RNF125: variants seen among roughly 807,000 people sequenced by gnomAD.
The protein encoded by RNF125 is E3 ubiquitin-protein ligase RNF125.
Under a neutral mutation model 26.0 loss-of-function variants are expected in RNF125, and 21 were observed. That is an observed-to-expected ratio of 0.81 (90% CI 0.57 to 1.16). The LOEUF (loss-of-function observed/expected upper bound fraction) is 1.16. Ranked by LOEUF, RNF125 falls within the 50% of genes most tolerant of loss-of-function variation. The pLI, the probability that RNF125 is intolerant of heterozygous loss-of-function variation, is 0.00. For missense variants in RNF125, 270 were observed against 299.4 expected, an observed-to-expected ratio of 0.90 and a Z score of 0.72; for synonymous variants, 95 against 109.2, an observed-to-expected ratio of 0.87 and a Z score of 0.81.
intron 4 of RNF125, among the ~76,000 whole-genome samples, chr18:32,060,468 G>A (rs909461353): frequency 2.0e-5 from 3 of 152,100 alleles, no homozygotes; most frequent in Non-Finnish European, 2.9e-5. Flanking sequence ...GCTATTATTT[G>A]CCCATTGCAT....
intron 1 of RNF125, among the ~76,000 whole-genome samples, chr18:32,031,702 C>T (rs993598272): frequency 2.6e-5 from 4 of 152,044 alleles, no homozygotes; most frequent in Admixed American, 2.6e-4. Context: ...GACTCAGAGA[C>T]ATCCAAGGTC....
chr18:32,060,105 GA>G (rs2039421042), intron 4 of RNF125, among the ~76,000 whole-genome samples: 1 of 152,174 alleles, frequency 6.6e-6, no homozygotes, highest in Non-Finnish European at 1.5e-5. Context: ...TGAAAAGAAA[GA>G]ACAATAAATG....
At chr18:32,060,395 G>C (rs2039423729) in intron 4 of RNF125, among the ~76,000 whole-genome samples, 2 of 152,170 alleles carry the variant, frequency 1.3e-5, no homozygotes, top group Non-Finnish European at 2.9e-5. Context: ...TCTAGTAAGT[G>C]GGAGGCTAAT....
chr18:32,052,362 G>A (rs1268432291), intron 4 of RNF125, among the ~76,000 whole-genome samples: 1 of 151,634 alleles, frequency 6.6e-6, no homozygotes, highest in East Asian at 2.0e-4. Context: ...GCACGGTGGC[G>A]CGCGTCTGTA....
At chr18:32,062,726 A>G (rs2039446009) in intron 4 of RNF125, among the ~76,000 whole-genome samples, 1 of 152,212 alleles carries the variant, frequency 6.6e-6, no homozygotes, top group Non-Finnish European at 1.5e-5. Context: ...GATCAGCGAC[A>G]TTGATTCCAG....
downstream of RNF125, among the ~76,000 whole-genome samples, chr18:32,074,163 C>A (rs1455417846): frequency 6.6e-6 from 1 of 152,200 alleles, no homozygotes; most frequent in Non-Finnish European, 1.5e-5. Flanking sequence ...AGCTGTTCTC[C>A]AGCTTCAGAA....
At chr18:32,026,028 C>G (rs900778509) in intron 1 of RNF125, among the ~76,000 whole-genome samples, 1 of 150,768 alleles carries the variant, frequency 6.6e-6, no homozygotes, top group Non-Finnish European at 1.5e-5. Flanking sequence ...ATTAATTAAG[C>G]TGGCTTTTGA....
Position 32,042,268 on chromosome 18 carries a change from A to G in RNF125, c.408A>G (p.Ala136=). The G allele has an allele frequency of 1.2e-6, 2 of 1,605,590 alleles. No individual in the cohort carries two copies. The highest frequency in any genetic ancestry group is 8.5e-7 in the Non-Finnish European group (1 of 1,172,910). ...YGPLQELEET[A]ARCVCPFCQR... is the part of the protein sequence containing the mutation. ...CACTACAAGAACTTGAGGAGACAGC[A>G]GCAAGGTTTGTTTCAATACAATATA... is the stretch of plus-strand genomic sequence containing the variant. Residue 136 remains alanine (A), a synonymous_variant, in exon 3 of 6, where the codon GCA becomes GCG. Coordinates refer to ENST00000217740, the MANE Select transcript of RNF125 (RefSeq NM_017831.4).
chr18:32,038,938 G>A (rs2039188934), intron 2 of RNF125, among the ~76,000 whole-genome samples: 1 of 151,494 alleles, frequency 6.6e-6, no homozygotes, highest in South Asian at 2.1e-4. Flanking sequence ...TCTAACTTTT[G>A]TATTTTCAGT....
At chr18:32,085,842 AAG>A in the RNF125 span, among the ~76,000 whole-genome samples, 1 of 145,866 alleles carries the variant, frequency 6.9e-6, no homozygotes, top group African/African-American at 2.8e-5. Context: ...AACAGTTTAT[AAG>A]AGTCAGCTCC....
chr18:32,076,499 A>G (rs761048833), downstream of RNF125, among the ~76,000 whole-genome samples: 18 of 152,176 alleles, frequency 1.2e-4, no homozygotes, highest in Non-Finnish European at 1.8e-4. Flanking sequence ...AAATTTTTGT[A>G]GAAATGGAGG....
chr18:32,061,703 C>A (rs1045226031), intron 4 of RNF125, among the ~76,000 whole-genome samples: 2 of 152,170 alleles, frequency 1.3e-5, no homozygotes, highest in Non-Finnish European at 2.9e-5. Context: ...GGAGCCTTTC[C>A]GAACCCTTGG....
intron 2 of RNF125, among the ~76,000 whole-genome samples, chr18:32,037,836 C>T (rs762678995): frequency 2.0e-5 from 3 of 152,108 alleles, no homozygotes; most frequent in Admixed American, 6.6e-5. Flanking sequence ...CAGCAGGATT[C>T]TGAAAGTAGC....
intron 5 of RNF125, among the ~76,000 whole-genome samples, chr18:32,066,956 A>C (rs2039490422): frequency 6.6e-6 from 1 of 152,178 alleles, no homozygotes. Context: ...CTGGTAATAC[A>C]AAGAGGTTTC....
intron 3 of RNF125, among the ~76,000 whole-genome samples, chr18:32,042,754 G>C (rs1051111089): frequency 6.7e-6 from 1 of 149,778 alleles, no homozygotes. Flanking sequence ...TGAATCCTTT[G>C]CCTTTTTGAT....
chr18:32,066,087 A>C, intron 5 of RNF125, 78 bp downstream of exon 5: 1 of 904,388 alleles, frequency 1.1e-6, no homozygotes, highest in Non-Finnish European at 1.8e-6. Context: ...AAGTGAATAA[A>C]ATTATAGAGG....
intron 4 of RNF125, among the ~76,000 whole-genome samples, chr18:32,054,086 C>CTTTTTTTTTTTTTTTTTTTTTTTTTT (rs35616121): frequency 1.1e-5 from 1 of 88,360 alleles, no homozygotes; most frequent in Admixed American, 1.4e-4. Context: ...GACATTTGTA[C>CTTTTTTTTTTTTTTTTTTTTTTTTTT]TTTTTTTTTT....
At chr18:32,045,398 A>C (rs1379031141) in intron 3 of RNF125, among the ~76,000 whole-genome samples, 1 of 151,360 alleles carries the variant, frequency 6.6e-6, no homozygotes, top group African/African-American at 2.4e-5. Context: ...ATCTCTACTA[A>C]AAATACAAAG....
At chr18:32,020,764 C>A (rs981966301) in intron 1 of RNF125, among the ~76,000 whole-genome samples, 1 of 151,482 alleles carries the variant, frequency 6.6e-6, no homozygotes, top group Admixed American at 6.6e-5. Context: ...CAAAAATTAG[C>A]CAGGTGTGGT....
Sources: gnomAD v4.1 joint callset for allele counts (sites outside exome capture counted in the v4.1 genomes callset) on GRCh38, gnomAD v4.1.1 for gene constraint, MANE v1.5 for transcripts, NCBI Gene and HGNC (gene_info 2026-07-23, HGNC 2026-07-21) for gene names.